SEC14L5: variants seen among roughly 807,000 people sequenced by gnomAD.
SEC14L5 encodes the protein SEC14 like lipid binding 5, also known as SEC14-like protein 5.
SEC14L5 carries 96 observed loss-of-function variants against 84.6 expected under a neutral mutation model. The ratio of observed to expected loss-of-function variants is 1.13; its 90% confidence interval spans 0.96 to 1.34. SEC14L5 has a LOEUF of 1.34. Among genes scored for constraint, SEC14L5 ranks in the 40% most tolerant of loss-of-function variants. SEC14L5 has a pLI of 0.00. For missense variants in SEC14L5, 1,224 were observed against 942.5 expected (o/e 1.30, Z -3.91); for synonymous variants, 546 against 383.4 (o/e 1.42, Z -4.95).
chr16:4,992,002 G>A lies in SEC14L5; in HGVS notation c.639G>A (p.Gly213=). ...LEAHGPRSTL[G]PALEAVSMDG... ...CCCACGGGCCCCGTAGCACCCTGGG[G>A]CCCGCTCTGGAGGCGGTCAGTATGG... Residue 213 remains glycine (G), a synonymous_variant, in exon 6 of 16, where the codon GGG becomes GGA. Transcript: ENST00000251170. 1 of 1,579,108 alleles carries A rather than the reference G, an allele frequency of 6.3e-7. No homozygotes were observed.
chr16:4,993,853 T>C (rs1393905568), intron 6 of SEC14L5, among the ~76,000 whole-genome samples: 1 of 152,090 alleles, frequency 6.6e-6, no homozygotes, highest in Non-Finnish European at 1.5e-5. Flanking sequence ...AAAGTCTTAG[T>C]AAACATCTCA....
chr16:4,995,024 G>A (rs950416481), intron 6 of SEC14L5, among the ~76,000 whole-genome samples: 5 of 152,126 alleles, frequency 3.3e-5, no homozygotes, highest in Non-Finnish European at 5.9e-5. Context: ...GACCACACAA[G>A]GTCTGGACAA....
intron 2 of SEC14L5, among the ~76,000 whole-genome samples, chr16:4,971,026 TG>T (rs2142481854): frequency 6.8e-6 from 1 of 147,450 alleles, no homozygotes; most frequent in Non-Finnish European, 1.5e-5. Context: ...GAGAATCGCT[TG>T]AACCGGGAGG....
chr16:4,977,921 CT>C (rs1311863319), intron 2 of SEC14L5, among the ~76,000 whole-genome samples: 1 of 151,186 alleles, frequency 6.6e-6, no homozygotes, highest in Non-Finnish European at 1.5e-5. Flanking sequence ...ATGCCTCAGC[CT>C]CCCGAGTAGC....
At chr16:4,987,758 C>A in intron 3 of SEC14L5, 52 bp downstream of exon 3, 2 of 1,136,594 alleles carry the variant, frequency 1.8e-6, no homozygotes, top group Non-Finnish European at 2.3e-6. Flanking sequence ...TGCGGAGGTG[C>A]GGGAGGGCTG....
In SEC14L5 at chr16:4,974,229, A is replaced by AT. The variant is rs1445466271; in HGVS notation, c.64-13322dup. On this transcript the variant is annotated intron_variant, in intron 2 of 15. Coordinates refer to ENST00000251170, the MANE Select transcript of SEC14L5 (RefSeq NM_014692.2). ...CACTGGACTGCATACTTTATATTTT[A>AT]TTTTTTGAGACAGGGTCTCTCTGTT... 3.3e-5 allele frequency among the ~76,000 whole-genome samples: 5 copies of AT among 152,154 alleles called. No individual in the cohort carries two copies. In the East Asian group the frequency reaches 9.7e-4, roughly 29 times the overall value.
intron 14 of SEC14L5, among the ~76,000 whole-genome samples, chr16:5,009,447 C>G (rs904466857): frequency 6.6e-6 from 1 of 152,102 alleles, no homozygotes; most frequent in Admixed American, 6.6e-5. Context: ...TCTCAGCCTT[C>G]TGAGTAGCTG....
intron 2 of SEC14L5, among the ~76,000 whole-genome samples, chr16:4,981,255 G>C (rs943083691): frequency 3.2e-5 from 3 of 92,902 alleles, no homozygotes; most frequent in Non-Finnish European, 6.2e-5. Context: ...TAGCTAATTG[G>C]TTTTTTTTTT....
chr16:4,967,324 G>A (rs540248548), intron 2 of SEC14L5, among the ~76,000 whole-genome samples: 2 of 152,156 alleles, frequency 1.3e-5, no homozygotes, highest in South Asian at 4.1e-4. Flanking sequence ...TTTTTTATAA[G>A]GACACCAGTC....
chr16:5,015,001 G>C lies in SEC14L5; in HGVS notation c.*31G>C. 2.6e-6 allele frequency: 4 copies of C among 1,518,578 alleles called. No individual in the cohort carries two copies. Among genetic ancestry groups the C allele is most frequent in the Non-Finnish European group, 3.6e-6 (4 of 1,101,828 alleles). 94.1% of individuals were successfully genotyped at this position (1,518,578 alleles called of 1,614,324 possible). ...CCCAGTGTTTCAGGGCCGCCCGCTC[G>C]CCTCCAGTGTCCAGAAATGTCCAGA... On this transcript the variant is annotated 3_prime_UTR_variant, in exon 16 of 16. Transcript: ENST00000251170.
intron 2 of SEC14L5, among the ~76,000 whole-genome samples, chr16:4,970,640 C>G (rs1955263606): frequency 6.6e-6 from 1 of 152,224 alleles, no homozygotes; most frequent in South Asian, 2.1e-4. Flanking sequence ...TCCCTGGGCC[C>G]CGCTCCTGAC....
intron 2 of SEC14L5, among the ~76,000 whole-genome samples, chr16:4,963,089 C>G (rs552025796): frequency 6.6e-6 from 1 of 152,178 alleles, no homozygotes; most frequent in East Asian, 1.9e-4. Context: ...ACAAAACTGA[C>G]TTCAGAATCA....
intron 3 of SEC14L5, 67 bp downstream of exon 3, chr16:4,987,773 C>A: frequency 8.3e-7 from 1 of 1,201,636 alleles, no homozygotes; most frequent in Non-Finnish European, 1.1e-6. Context: ...GGGCTGGGCG[C>A]GGGAGCTGGG....
At chr16:4,977,446 CAAAA>C (rs762657125) in intron 2 of SEC14L5, among the ~76,000 whole-genome samples, 1 of 66,142 alleles carries the variant, frequency 1.5e-5, no homozygotes, top group Admixed American at 2.4e-4. Context: ...GACTCCGTCT[CAAAA>C]AAAAAAAAAA....
intron 14 of SEC14L5, 111 bp downstream of exon 14, chr16:5,008,759 C>T: frequency 1.1e-6 from 1 of 917,480 alleles, no homozygotes; most frequent in Non-Finnish European, 1.7e-6. Flanking sequence ...GGTCCCCAGC[C>T]TCAGGGACCC....
chr16:4,978,677 A>G (rs545236061), intron 2 of SEC14L5, among the ~76,000 whole-genome samples: 3 of 151,920 alleles, frequency 2.0e-5, no homozygotes, highest in South Asian at 4.2e-4. Flanking sequence ...ATCTGGGCTC[A>G]CTGCAAGCTC....
intron 2 of SEC14L5, among the ~76,000 whole-genome samples, chr16:4,977,313 G>A: frequency 6.6e-6 from 1 of 151,694 alleles, no homozygotes; most frequent in Non-Finnish European, 1.5e-5. Context: ...TGGGTGTGGT[G>A]GTGGGTGCCT....
intron 2 of SEC14L5, among the ~76,000 whole-genome samples, chr16:4,968,352 T>C (rs1202089991): frequency 2.6e-5 from 4 of 152,096 alleles, no homozygotes; most frequent in Non-Finnish European, 4.4e-5. Flanking sequence ...GCTAATTTTG[T>C]ATTTTTAGCA....
intron 1 of SEC14L5, among the ~76,000 whole-genome samples, chr16:4,958,823 G>C (rs1230743539): frequency 6.6e-6 from 1 of 152,156 alleles, no homozygotes; most frequent in Admixed American, 6.5e-5. Flanking sequence ...TGTGGTGAAG[G>C]CTGTGTGTGT....
Sources: allele counts gnomAD v4.1 joint callset (sites outside exome capture counted in the v4.1 genomes callset), GRCh38; gene constraint gnomAD v4.1.1; transcripts MANE v1.5; gene names NCBI Gene and HGNC (gene_info 2026-07-23, HGNC 2026-07-21).